The following CNTNAP2 variants were observed in gnomAD, a reference collection of about 807,000 sequenced individuals.
CNTNAP2 encodes the protein contactin associated protein 2.
Under a neutral mutation model 155.2 loss-of-function variants are expected in CNTNAP2, and 98 were observed. The observed-to-expected ratio is 0.63, with a 90% confidence interval of 0.54 to 0.75. The LOEUF (loss-of-function observed/expected upper bound fraction) is 0.75, where lower values mean the gene tolerates loss of function less well. Among genes scored for constraint, CNTNAP2 ranks in the 30% least tolerant of loss-of-function variants. The pLI is 0.00. For synonymous variants in CNTNAP2, 651 were observed against 631.2 expected (o/e 1.03, Z -0.47); for missense variants, 1,727 against 1,688.1 (o/e 1.02, Z -0.40).
intron 11 of CNTNAP2, among the ~76,000 whole-genome samples, chr7:147,510,850 CATAT>C (rs61069153): frequency 2.2e-4 from 17 of 76,398 alleles, no homozygotes; most frequent in African/African-American, 8.0e-4. Flanking sequence ...GGCCTACAAC[CATAT>C]ATATATATAT....
chr7:148,032,108 C>G (rs913418731), intron 15 of CNTNAP2, among the ~76,000 whole-genome samples: 7 of 152,162 alleles, frequency 4.6e-5, no homozygotes, highest in African/African-American at 1.7e-4. Context: ...CCCTAAACAT[C>G]TAACTTAATG....
rs113579609 is a variant in CNTNAP2 at position 147,379,336 on chromosome 7, T to C, written c.1499-16273T>C. Reference sequence around the variant, plus strand: ...CCAAATTTAGCTGAAATTGAATTCATGGGGGCCAAATATTCCATGCGGTGT... The same window carrying C: ...CCAAATTTAGCTGAAATTGAATTCACGGGGGCCAAATATTCCATGCGGTGT... On this transcript the variant is annotated intron_variant, in intron 9 of 23. Coordinates refer to ENST00000361727, the MANE Select transcript of CNTNAP2 (RefSeq NM_014141.6). Among the ~76,000 whole-genome samples the C allele has an allele frequency of 1.8e-3, 279 of 152,238 alleles. 1 individual carries two copies. Among genetic ancestry groups the C allele is most frequent in the African/African-American group, 6.4e-3 (267 of 41,560 alleles).
At chr7:147,868,152 T>C (rs1247816925) in intron 13 of CNTNAP2, among the ~76,000 whole-genome samples, 1 of 152,158 alleles carries the variant, frequency 6.6e-6, no homozygotes, top group East Asian at 1.9e-4. Context: ...TCCTTTTTGT[T>C]GATGTTGATG....
intron 3 of CNTNAP2, among the ~76,000 whole-genome samples, chr7:146,923,881 TG>T (rs1796554294): frequency 2.0e-5 from 3 of 152,244 alleles, no homozygotes; most frequent in African/African-American, 7.2e-5. Context: ...TGAATATTCC[TG>T]GGACCTATCC....
intron 3 of CNTNAP2, among the ~76,000 whole-genome samples, chr7:146,944,136 G>A (rs887097088): frequency 2.0e-5 from 3 of 149,714 alleles, no homozygotes; most frequent in Admixed American, 6.7e-5. Flanking sequence ...TGAAATAGAC[G>A]AGTATCAACA....
intron 3 of CNTNAP2, among the ~76,000 whole-genome samples, chr7:146,920,647 C>A (rs1796481222): frequency 1.3e-5 from 2 of 152,076 alleles, no homozygotes; most frequent in Admixed American, 1.3e-4. Context: ...GTAGCCGTTT[C>A]ATGTTTTAAA....
intron 22 of CNTNAP2, among the ~76,000 whole-genome samples, chr7:148,402,664 G>A (rs958218616): frequency 6.6e-6 from 1 of 152,166 alleles, no homozygotes; most frequent in Admixed American, 6.5e-5. Flanking sequence ...AAGAACAAAG[G>A]CAGAGATACC....
At chr7:146,422,635 A>T (rs911198794) in intron 1 of CNTNAP2, among the ~76,000 whole-genome samples, 2 of 151,956 alleles carry the variant, frequency 1.3e-5, no homozygotes, top group African/African-American at 4.8e-5. Flanking sequence ...TTTTATTTTT[A>T]TATTTTTAAA....
intron 15 of CNTNAP2, among the ~76,000 whole-genome samples, chr7:148,007,493 T>C (rs1196700430): frequency 6.6e-6 from 1 of 152,128 alleles, no homozygotes; most frequent in Non-Finnish European, 1.5e-5. Context: ...GAAAATAATA[T>C]TGAAATGTGA....
At chr7:148,274,959 T>C (rs1054189632) in intron 21 of CNTNAP2, among the ~76,000 whole-genome samples, 3 of 152,226 alleles carry the variant, frequency 2.0e-5, no homozygotes, top group Non-Finnish European at 4.4e-5. Flanking sequence ...TAGCACAGTC[T>C]CTGCTGCATA....
intron 10 of CNTNAP2, among the ~76,000 whole-genome samples, chr7:147,475,549 G>A (rs1177688551): frequency 6.6e-6 from 1 of 151,336 alleles, no homozygotes; most frequent in African/African-American, 2.4e-5. Flanking sequence ...ATTCTTCATA[G>A]GATAAAGAAA....
At chr7:147,238,402 GAC>G (rs147589329) in intron 8 of CNTNAP2, among the ~76,000 whole-genome samples, 9,290 of 149,066 alleles carry the variant, frequency 0.062, 297 homozygotes, top group Non-Finnish European at 0.072. Flanking sequence ...TATGTGTGCA[GAC>G]ACACACACAC....
intron 13 of CNTNAP2, among the ~76,000 whole-genome samples, chr7:147,732,187 C>CT (rs57392184): frequency 0.32 from 43,882 of 136,954 alleles, 8,444 homozygotes; most frequent in African/African-American, 0.55. Context: ...TCCCTCCCCC[C>CT]CCCACCACCC....
chr7:147,914,055 C>CAA (rs529118198), intron 14 of CNTNAP2, among the ~76,000 whole-genome samples: 33 of 133,444 alleles, frequency 2.5e-4, no homozygotes, highest in African/African-American at 8.2e-4. Flanking sequence ...TTGTAGCAGT[C>CAA]AAAAAAAAAA....
intron 8 of CNTNAP2, among the ~76,000 whole-genome samples, chr7:147,200,055 C>T (rs1233000851): frequency 6.6e-6 from 1 of 151,608 alleles, no homozygotes; most frequent in Non-Finnish European, 1.5e-5. Flanking sequence ...CAGCCAGTTT[C>T]CCCCTCCCCC....
At chr7:146,444,188 C>A (rs1354669015) in intron 1 of CNTNAP2, among the ~76,000 whole-genome samples, 1 of 152,010 alleles carries the variant, frequency 6.6e-6, no homozygotes, top group African/African-American at 2.4e-5. Flanking sequence ...CCATGCCTGA[C>A]AAATTTTCAT....
At chr7:147,397,957 T>G (rs2116458925) in intron 10 of CNTNAP2, among the ~76,000 whole-genome samples, 1 of 151,950 alleles carries the variant, frequency 6.6e-6, no homozygotes, top group South Asian at 2.1e-4. Context: ...GGACCTATTT[T>G]TAGCTTACAC....
At chr7:148,136,554 C>A (rs969284907) in intron 16 of CNTNAP2, among the ~76,000 whole-genome samples, 2 of 152,128 alleles carry the variant, frequency 1.3e-5, no homozygotes, top group African/African-American at 4.8e-5. Context: ...AACCTCTTTT[C>A]TTTATAAATT....
chr7:146,169,922 A>T (rs1798364662), intron 1 of CNTNAP2, among the ~76,000 whole-genome samples: 1 of 151,762 alleles, frequency 6.6e-6, no homozygotes, highest in African/African-American at 2.4e-5. Context: ...GCTGCAATGA[A>T]TGTAGCAATG....
Sources: gnomAD v4.1 joint callset for allele counts (sites outside exome capture counted in the v4.1 genomes callset) on GRCh38, gnomAD v4.1.1 for gene constraint, MANE v1.5 for transcripts, NCBI Gene and HGNC (gene_info 2026-07-23, HGNC 2026-07-21) for gene names.